Variants in DYM observed in about 807,000 individuals in gnomAD.
The protein encoded by DYM is dymeclin, also known as dyggve-Melchior-Clausen syndrome protein.
In DYM, 78 loss-of-function variants were observed where a neutral mutation model predicts 93.1. The observed-to-expected ratio is 0.84, with a 90% confidence interval of 0.70 to 1.01. The LOEUF (loss-of-function observed/expected upper bound fraction) is 1.01, where lower values mean the gene tolerates loss of function less well. Ranked by LOEUF, DYM falls within the 50% of genes least tolerant of loss-of-function variation. The pLI, the probability that DYM is intolerant of heterozygous loss-of-function variation, is 0.00. For missense variants in DYM, 789 were observed against 845.0 expected (o/e 0.93, Z 0.82); for synonymous variants, 321 against 319.7 (o/e 1.00, Z -0.04).
chr18:49,251,748 A>G (rs1042716661), intron 13 of DYM, among the ~76,000 whole-genome samples: 5 of 152,162 alleles, frequency 3.3e-5, no homozygotes, highest in African/African-American at 1.2e-4. Context: ...CATCACCAAG[A>G]TTCCATAGGT....
intron 6 of DYM, among the ~76,000 whole-genome samples, chr18:49,350,726 G>GAAAA (rs72289769): frequency 8.3e-6 from 1 of 119,928 alleles, no homozygotes; most frequent in African/African-American, 3.0e-5. Context: ...GAAAAAAAAA[G>GAAAA]AAAAAAAAAA....
At chr18:49,452,878 C>G (rs1212213199) in intron 1 of DYM, among the ~76,000 whole-genome samples, 1 of 133,976 alleles carries the variant, frequency 7.5e-6, no homozygotes, top group Non-Finnish European at 1.6e-5. Context: ...GCAGATACAC[C>G]AATCAGCACT....
chr18:49,061,261 AAGG>A (rs1205345306), intron 17 of DYM, among the ~76,000 whole-genome samples: 4 of 152,160 alleles, frequency 2.6e-5, no homozygotes, highest in African/African-American at 7.2e-5. Flanking sequence ...GAAAGGCTTC[AAGG>A]AGGAGAAGGC....
intron 2 of DYM, among the ~76,000 whole-genome samples, chr18:49,424,094 A>G (rs1282470664): frequency 1.3e-5 from 2 of 152,156 alleles, no homozygotes; most frequent in Non-Finnish European, 2.9e-5. Context: ...GACACAACCA[A>G]AAACGACAAT....
chr18:49,109,950 TCTTA>T, intron 16 of DYM, among the ~76,000 whole-genome samples: 1 of 152,324 alleles, frequency 6.6e-6, no homozygotes, highest in Middle Eastern at 3.4e-3. Context: ...CTGACACACA[TCTTA>T]CTTTTATATG....
intron 8 of DYM, chr18:49,321,241 T>C (rs2062462084): frequency 1.0e-5 from 4 of 396,464 alleles, no homozygotes; most frequent in Non-Finnish European, 8.9e-6. Context: ...ATGGCACTTG[T>C]AGCAAGTCTC....
At position 49,043,929 on chromosome 18, in the gene DYM, A is replaced by G; in HGVS notation, c.*126T>C. 1.7e-6 allele frequency: 2 copies of G among 1,154,050 alleles called. No individual in the cohort carries two copies. Among genetic ancestry groups the G allele is most frequent in the Non-Finnish European group, 2.5e-6 (2 of 801,038 alleles). The allele number at this position is 1,154,050 out of a possible 1,614,324, so 71.5% of individuals were successfully genotyped here. The stretch of plus-strand genomic sequence containing the variant: ...AAATCAAAGTGTGTGAGGAAAACAC[A>G]CTCGTGCAATCCTCTTTAACAGAAG... On this transcript the variant is annotated 3_prime_UTR_variant, in exon 18 of 18. Transcript: ENST00000675505.
At chr18:49,178,672 C>T (rs1328987499) in intron 14 of DYM, among the ~76,000 whole-genome samples, 1 of 151,972 alleles carries the variant, frequency 6.6e-6, no homozygotes, top group Non-Finnish European at 1.5e-5. Flanking sequence ...AATAAAAATA[C>T]ACTAACAATA....
At chr18:49,261,577 C>T (rs954015328) in intron 11 of DYM, among the ~76,000 whole-genome samples, 8 of 151,996 alleles carry the variant, frequency 5.3e-5, no homozygotes, top group African/African-American at 1.7e-4. Flanking sequence ...GCAGGAGAAT[C>T]GCTTGAACTA....
chr18:49,341,992 A>G (rs368941104), intron 6 of DYM, among the ~76,000 whole-genome samples: 1 of 152,246 alleles, frequency 6.6e-6, no homozygotes, highest in Non-Finnish European at 1.5e-5. Flanking sequence ...ATTTGTTATC[A>G]TACAGTCCTG....
chr18:49,459,710 CT>C (rs2083311357), intron 1 of DYM, among the ~76,000 whole-genome samples: 1 of 152,198 alleles, frequency 6.6e-6, no homozygotes, highest in African/African-American at 2.4e-5. Flanking sequence ...TTCTCTACCC[CT>C]GTTCAGTAGA....
intron 8 of DYM, chr18:49,321,307 T>G: frequency 2.5e-6 from 1 of 398,166 alleles, no homozygotes; most frequent in Non-Finnish European, 4.4e-6. Context: ...ATATTCCTCC[T>G]TGTAAATACA....
chr18:49,117,015 A>T (rs72921692), intron 16 of DYM, among the ~76,000 whole-genome samples: 68 of 152,350 alleles, frequency 4.5e-4, no homozygotes, highest in Admixed American at 1.3e-3. Context: ...CACATCCTAA[A>T]TATCAGTGAA....
At chr18:49,129,177 T>C (rs567759386) in intron 15 of DYM, among the ~76,000 whole-genome samples, 4 of 151,836 alleles carry the variant, frequency 2.6e-5, no homozygotes, top group Admixed American at 6.6e-5. Flanking sequence ...AAGCTCCAGA[T>C]TGGGTTCTAG....
chr18:49,105,477 C>G (rs1396177507), intron 16 of DYM, among the ~76,000 whole-genome samples: 3 of 152,156 alleles, frequency 2.0e-5, no homozygotes, highest in Non-Finnish European at 4.4e-5. Context: ...TCTTGCTTCT[C>G]TAGTTCTTTT....
At chr18:49,356,429 G>A (rs1221776618) in intron 6 of DYM, among the ~76,000 whole-genome samples, 3 of 152,062 alleles carry the variant, frequency 2.0e-5, no homozygotes, top group Non-Finnish European at 4.4e-5. Flanking sequence ...TGCCTTAAAT[G>A]CCTAATTCAT....
intron 17 of DYM, among the ~76,000 whole-genome samples, chr18:49,059,606 T>C (rs1463232357): frequency 6.6e-6 from 1 of 152,110 alleles, no homozygotes; most frequent in Non-Finnish European, 1.5e-5. Flanking sequence ...GTCAGGCCTG[T>C]AGCAAGGGGC....
intron 2 of DYM, among the ~76,000 whole-genome samples, chr18:49,426,281 C>G (rs1174444520): frequency 6.6e-6 from 1 of 151,488 alleles, no homozygotes; most frequent in African/African-American, 2.4e-5. Context: ...ACATTTTGAG[C>G]AAACCATCGC....
intron 8 of DYM, among the ~76,000 whole-genome samples, chr18:49,316,063 C>T (rs1216254677): frequency 6.6e-6 from 1 of 152,182 alleles, no homozygotes; most frequent in Non-Finnish European, 1.5e-5. Flanking sequence ...GAGCAGATTG[C>T]TTGAGGTCAG....
Sources: allele counts gnomAD v4.1 joint callset (sites outside exome capture counted in the v4.1 genomes callset), GRCh38; gene constraint gnomAD v4.1.1; transcripts MANE v1.5; gene names NCBI Gene and HGNC (gene_info 2026-07-23, HGNC 2026-07-21).